CHL1: variants seen among roughly 807,000 people sequenced by gnomAD.
The protein encoded by CHL1 is cell adhesion molecule L1 like.
CHL1 carries 96 observed loss-of-function variants against 141.9 expected under a neutral mutation model. That is an observed-to-expected ratio of 0.68 (90% CI 0.57 to 0.80). The LOEUF is 0.80. CHL1 is among the 30% of genes least tolerant of loss of function. The pLI is 0.00. For synonymous variants in CHL1, 613 were observed against 502.2 expected (o/e 1.22, Z -2.95); for missense variants, 1,820 against 1,457.2 (o/e 1.25, Z -4.05).
chr3:260,149 A>T (rs1183809758), intron 2 of CHL1, among the ~76,000 whole-genome samples: 1 of 152,122 alleles, frequency 6.6e-6, no homozygotes, highest in Admixed American at 6.5e-5. Context: ...CTGTAATGCC[A>T]GTTACTCAGG....
At chr3:260,139 C>T (rs1574889323) in intron 2 of CHL1, among the ~76,000 whole-genome samples, 2 of 152,172 alleles carry the variant, frequency 1.3e-5, no homozygotes, top group African/African-American at 4.8e-5. Context: ...TGGCGCGGAC[C>T]TGTAATGCCA....
chr3:361,620 A>T, intron 12 of CHL1, 79 bp from the exon 13 acceptor site: 1 of 902,500 alleles, frequency 1.1e-6, no homozygotes, highest in Admixed American at 1.7e-5. Flanking sequence ...TATTCGTATG[A>T]CTAGGACATA....
chr3:324,018 T>G (rs1321177655), intron 3 of CHL1, among the ~76,000 whole-genome samples: 1 of 152,140 alleles, frequency 6.6e-6, no homozygotes, highest in Admixed American at 6.6e-5. Context: ...TGAAAGACAT[T>G]TTGAAAGACT....
At chr3:344,368 A>C (rs1033751672) in intron 8 of CHL1, among the ~76,000 whole-genome samples, 2 of 152,088 alleles carry the variant, frequency 1.3e-5, no homozygotes, top group African/African-American at 4.8e-5. Context: ...AAAATTTTGC[A>C]GTGCTACGCT....
chr3:248,666 C>A (rs1037891490), intron 2 of CHL1: 1 of 151,990 alleles, frequency 6.6e-6, no homozygotes, highest in Non-Finnish European at 1.5e-5. Context: ...TCTTCATAGC[C>A]TTTTTTTAAG....
At chr3:205,381 T>G (rs1699335978) in intron 1 of CHL1, among the ~76,000 whole-genome samples, 1 of 152,174 alleles carries the variant, frequency 6.6e-6, no homozygotes. Context: ...CTCAAAGTAC[T>G]GGGATTACAG....
rs557279945 is a variant in CHL1 at position 257,533 on chromosome 3, A to G, written c.-95+12841A>G. The stretch of plus-strand genomic sequence containing the variant: ...CATGCCTGGCTAATTTTGCATTTTT[A>G]GTAGAGATGGGGTTTCACCATGCTG... On this transcript the variant is annotated intron_variant, in intron 2 of 27. Coordinates refer to ENST00000256509, the MANE Select transcript of CHL1 (RefSeq NM_006614.4). Among the ~76,000 whole-genome samples, 74 of 151,938 alleles carry G rather than the reference A, an allele frequency of 4.9e-4. 1 individual carries two copies. The highest frequency in any genetic ancestry group is 1.7e-3 in the African/African-American group (72 of 41,452).
intron 1 of CHL1, among the ~76,000 whole-genome samples, chr3:201,381 C>T (rs1018551751): frequency 6.6e-6 from 1 of 152,154 alleles, no homozygotes; most frequent in African/African-American, 2.4e-5. Context: ...GGACATATTC[C>T]GTTTTCAATT....
Position 382,537 on chromosome 3 carries a change from T to C in CHL1, c.2042T>C (p.Val681Ala), listed in dbSNP as rs1254175109. The C allele has an allele frequency of 6.2e-7, 1 of 1,613,760 alleles. No individual in the cohort carries two copies. The highest frequency in any genetic ancestry group is 8.5e-7 in the Non-Finnish European group (1 of 1,179,780). The change falls in exon 18 of 28, where the codon GTC becomes GCC. Residue 681 changes from valine (V) to alanine (A), a missense_variant. Physicochemically the swap from Val to Ala is moderately conservative, Grantham distance 64 (BLOSUM62 0). Coordinates refer to ENST00000256509, the MANE Select transcript of CHL1 (RefSeq NM_006614.4). ...GGAAGGTGGGAGGAACTGACCAGAG[T>C]CCAAGGAAAGAAAACCACAGTTATC... ...EPGRWEELTR[V>A]QGKKTTVILP... is the part of the protein sequence containing the mutation.
At chr3:368,216 A>G (rs1470463952) in intron 15 of CHL1, among the ~76,000 whole-genome samples, 1 of 152,200 alleles carries the variant, frequency 6.6e-6, no homozygotes, top group Admixed American at 6.5e-5. Context: ...TCCCACCAAC[A>G]GTGTAAAAGT....
intron 2 of CHL1, among the ~76,000 whole-genome samples, chr3:304,507 G>C (rs914845822): frequency 1.3e-5 from 2 of 152,270 alleles, no homozygotes; most frequent in African/African-American, 4.8e-5. Context: ...ATTTCTTCTA[G>C]ATTTTCTAGT....
chr3:201,044 T>C (rs1375845220), intron 1 of CHL1, among the ~76,000 whole-genome samples: 1 of 152,228 alleles, frequency 6.6e-6, no homozygotes, highest in Non-Finnish European at 1.5e-5. Context: ...GTTTATCTTC[T>C]GAGAATAAAA....
At chr3:282,461 G>A (rs577934430) in intron 2 of CHL1, among the ~76,000 whole-genome samples, 3 of 152,090 alleles carry the variant, frequency 2.0e-5, no homozygotes, top group Non-Finnish European at 2.9e-5. Context: ...TATAGATTGA[G>A]GTTAACATCT....
chr3:259,108 A>G (rs1310463512), intron 2 of CHL1, among the ~76,000 whole-genome samples: 1 of 150,952 alleles, frequency 6.6e-6, no homozygotes, highest in Non-Finnish European at 1.5e-5. Context: ...TTTTTTTTAG[A>G]GAGAGAATTT....
chr3:388,984 C>G (rs996458198), intron 19 of CHL1, among the ~76,000 whole-genome samples: 2 of 152,224 alleles, frequency 1.3e-5, no homozygotes, highest in African/African-American at 4.8e-5. Flanking sequence ...TGTGTAAAAA[C>G]TTAAGACTTT....
chr3:342,190 G>C (rs1019207988), intron 7 of CHL1, 108 bp downstream of exon 7: 1 of 970,362 alleles, frequency 1.0e-6, no homozygotes, highest in Non-Finnish European at 1.5e-6. Flanking sequence ...TTGCACCATT[G>C]TGCAGTTCAA....
At chr3:266,415 T>C (rs1695155891) in intron 2 of CHL1, among the ~76,000 whole-genome samples, 1 of 152,158 alleles carries the variant, frequency 6.6e-6, no homozygotes, top group South Asian at 2.1e-4. Flanking sequence ...GGGACTCATT[T>C]TGAAGGTCTG....
intron 14 of CHL1, among the ~76,000 whole-genome samples, chr3:365,521 A>C (rs1025871821): frequency 1.3e-5 from 2 of 152,182 alleles, no homozygotes; most frequent in African/African-American, 4.8e-5. Context: ...TCATCCATTC[A>C]TGGGCTTAAA....
intron 2 of CHL1, among the ~76,000 whole-genome samples, chr3:270,168 G>T (rs17017010): frequency 0.17 from 25,109 of 152,120 alleles, 2,291 homozygotes; most frequent in South Asian, 0.26. Context: ...GAGTTTTAGT[G>T]ACAGAAGGTG....
Sources: allele counts gnomAD v4.1 joint callset (sites outside exome capture counted in the v4.1 genomes callset), GRCh38; gene constraint gnomAD v4.1.1; transcripts MANE v1.5; gene names NCBI Gene and HGNC (gene_info 2026-07-23, HGNC 2026-07-21).